Variants in LUZP2 observed in about 807,000 individuals in gnomAD.
LUZP2 encodes the protein leucine zipper protein 2.
A neutral mutation model predicts 51.6 loss-of-function variants in LUZP2; 52 were observed. That is an observed-to-expected ratio of 1.01 (90% CI 0.81 to 1.27). The LOEUF is 1.27. Ranked by LOEUF, LUZP2 falls within the 50% of genes most tolerant of loss-of-function variation. The probability of loss-of-function intolerance (pLI) is 0.00; values close to 1 mark genes in which losing one functional copy is unlikely to be tolerated. For missense variants in LUZP2, 436 were observed against 395.4 expected (o/e 1.10, Z -0.87); for synonymous variants, 154 against 137.3 (o/e 1.12, Z -0.85).
At chr11:24,897,814 A>G (rs1853132039) in intron 5 of LUZP2, among the ~76,000 whole-genome samples, 1 of 152,052 alleles carries the variant, frequency 6.6e-6, no homozygotes, top group South Asian at 2.1e-4. Flanking sequence ...TAATGGGGTT[A>G]TTTATTTTTT....
chr11:25,045,887 G>A (rs897585065), intron 9 of LUZP2, among the ~76,000 whole-genome samples: 10 of 152,094 alleles, frequency 6.6e-5, no homozygotes, highest in African/African-American at 2.4e-4. Context: ...ACCAATTTTA[G>A]TAAAGGAGAT....
chr11:24,740,161 T>G (rs975309684), intron 4 of LUZP2, among the ~76,000 whole-genome samples: 10 of 152,290 alleles, frequency 6.6e-5, no homozygotes, highest in African/African-American at 2.4e-4. Context: ...AAAACTACAT[T>G]GTTTGTTTCT....
intron 4 of LUZP2, among the ~76,000 whole-genome samples, chr11:24,753,111 T>C (rs912057596): frequency 6.6e-6 from 1 of 152,136 alleles, no homozygotes; most frequent in African/African-American, 2.4e-5. Flanking sequence ...AATAAGTATA[T>C]ACCTAACAAT....
intron 1 of LUZP2, among the ~76,000 whole-genome samples, chr11:24,688,815 C>T (rs957923121): frequency 6.6e-6 from 1 of 152,108 alleles, no homozygotes; most frequent in East Asian, 1.9e-4. Flanking sequence ...CATCATACCT[C>T]TTGGGTACCA....
At chr11:24,552,553 T>A (rs922571915) in intron 1 of LUZP2, among the ~76,000 whole-genome samples, 3 of 152,014 alleles carry the variant, frequency 2.0e-5, no homozygotes, top group African/African-American at 7.2e-5. Flanking sequence ...GAAAAGATCA[T>A]CTACCCACAA....
At chr11:24,997,151 G>A (rs1317145926) in intron 9 of LUZP2, among the ~76,000 whole-genome samples, 2 of 149,972 alleles carry the variant, frequency 1.3e-5, no homozygotes. Flanking sequence ...GGATGGCTGG[G>A]TCAAATGGTA....
At chr11:24,998,564 T>G (rs1350637272) in intron 9 of LUZP2, among the ~76,000 whole-genome samples, 1 of 152,234 alleles carries the variant, frequency 6.6e-6, no homozygotes, top group Non-Finnish European at 1.5e-5. Flanking sequence ...TCCACGTATT[T>G]CTACAGAACA....
intron 5 of LUZP2, among the ~76,000 whole-genome samples, chr11:24,858,457 G>A (rs904065576): frequency 2.0e-5 from 3 of 152,022 alleles, no homozygotes; most frequent in African/African-American, 4.8e-5. Flanking sequence ...CTTTCTCACT[G>A]GGGGAGAAAG....
At chr11:24,812,674 A>T (rs1850055974) in intron 5 of LUZP2, among the ~76,000 whole-genome samples, 1 of 152,226 alleles carries the variant, frequency 6.6e-6, no homozygotes, top group Admixed American at 6.5e-5. Flanking sequence ...TCCAAGGATT[A>T]GGTATGAAGG....
chr11:24,850,406 T>C (rs1002063341), intron 5 of LUZP2, among the ~76,000 whole-genome samples: 1 of 152,186 alleles, frequency 6.6e-6, no homozygotes, highest in Non-Finnish European at 1.5e-5. Flanking sequence ...CTTGTTTTTG[T>C]CAGGTTTGTC....
chr11:24,596,738 A>G (rs1590220819), intron 1 of LUZP2, among the ~76,000 whole-genome samples: 1 of 152,312 alleles, frequency 6.6e-6, no homozygotes, highest in African/African-American at 2.4e-5. Context: ...AGTCTAAAAA[A>G]ACTACAGTTC....
chr11:24,833,764 T>C (rs1850776044), intron 5 of LUZP2, among the ~76,000 whole-genome samples: 1 of 151,542 alleles, frequency 6.6e-6, no homozygotes, highest in African/African-American at 2.4e-5. Context: ...CAGAAAAACC[T>C]GCAAGCTCAT....
chr11:24,640,411 G>T (rs1855239492), intron 1 of LUZP2, among the ~76,000 whole-genome samples: 1 of 151,924 alleles, frequency 6.6e-6, no homozygotes, highest in African/African-American at 2.4e-5. Context: ...CCAAGAGAAA[G>T]ACAATGAGCA....
At chr11:24,517,483 C>CAAAAAAAAAAAAAAAAAAAAAAAAAA (rs71041768) in intron 1 of LUZP2, among the ~76,000 whole-genome samples, 4 of 44,144 alleles carry the variant, frequency 9.1e-5, no homozygotes, top group Admixed American at 9.4e-4. Context: ...CAGACGCCGT[C>CAAAAAAAAAAAAAAAAAAAAAAAAAA]AAAAAAAAAA....
Position 24,882,895 on chromosome 11 carries a change from AAAAGAAAGAG to A in LUZP2, c.397-23086_397-23077del, listed in dbSNP as rs1248225810. 2.9e-5 allele frequency among the ~76,000 whole-genome samples: 4 copies of A among 137,214 alleles called. No homozygotes were observed. In the South Asian group the frequency reaches 8.4e-4, roughly 29 times the overall value. 90.0% of individuals were successfully genotyped at this position (137,214 alleles called of 152,430 possible). On this transcript the variant is annotated intron_variant, in intron 5 of 11. Transcript: ENST00000336930. ...GAAAATAAAGAAAAAGAAGGAAAGAAAAAGAAAGAGAAAGAAAGAAGAAAGAAAGAACGAA... is the reference window on the plus strand; with the variant it reads ...GAAAATAAAGAAAAAGAAGGAAAGAAAAAGAAAGAAGAAAGAAAGAACGAA...
chr11:24,846,287 CT>C (rs1851195972), intron 5 of LUZP2, among the ~76,000 whole-genome samples: 1 of 151,970 alleles, frequency 6.6e-6, no homozygotes. Context: ...TATTGATAAT[CT>C]GTTTCCATTG....
rs140790554 is a variant in LUZP2, at chr11:24,611,550, T to G, written c.62+114245T>G. Among the ~76,000 whole-genome samples, 1 of 152,092 alleles carries G rather than the reference T, an allele frequency of 6.6e-6. No homozygotes were observed. The highest frequency in any genetic ancestry group is 1.5e-5 in the Non-Finnish European group (1 of 68,022). ...ACATTGAGTCAGAGTTTGGCAATTA[T>G]GGAACTAGGGTGGAAAGGGAGGCAG... On this transcript the variant is annotated intron_variant, in intron 1 of 11. Transcript: ENST00000336930. The surrounding 1 kb of genome is among the most constrained non-coding windows in gnomAD (Gnocchi z 4.6).
intron 9 of LUZP2, among the ~76,000 whole-genome samples, chr11:25,035,032 T>C (rs909742109): frequency 1.3e-5 from 2 of 152,042 alleles, no homozygotes; most frequent in African/African-American, 4.8e-5. Context: ...CAAAGGAAGA[T>C]ACCTTAAAAT....
chr11:25,025,902 A>G lies in LUZP2; in HGVS notation c.766-24136A>G, dbSNP rs185173978. Among the ~76,000 whole-genome samples the G allele has an allele frequency of 7.2e-4, 109 of 152,304 alleles. 1 individual carries two copies. In the East Asian group the frequency reaches 0.018, roughly 25 times the overall value. On this transcript the variant is annotated intron_variant, in intron 9 of 11. Coordinates refer to ENST00000336930, the MANE Select transcript of LUZP2 (RefSeq NM_001009909.4). Reference sequence around the variant, plus strand: ...AGACTTCGAACCAACCCAAATGTCCATCAGTGATAGACTGGATTAAGAAAA... The same window carrying G: ...AGACTTCGAACCAACCCAAATGTCCGTCAGTGATAGACTGGATTAAGAAAA...
Sources: allele counts gnomAD v4.1 joint callset (sites outside exome capture counted in the v4.1 genomes callset), GRCh38; gene constraint gnomAD v4.1.1; non-coding constraint Gnocchi (gnomAD v3.1); transcripts MANE v1.5; gene names NCBI Gene and HGNC (gene_info 2026-07-23, HGNC 2026-07-21).